Variants in SLC30A8 observed in about 807,000 individuals in gnomAD.
SLC30A8 encodes proton-coupled zinc antiporter SLC30A8.
A neutral mutation model predicts 36.9 loss-of-function variants in SLC30A8; 27 were observed. The ratio of observed to expected loss-of-function variants is 0.73; its 90% CI spans 0.54 to 1.01. The LOEUF (loss-of-function observed/expected upper bound fraction) is 1.01. Ranked by LOEUF, SLC30A8 falls within the 50% of genes least tolerant of loss-of-function variation. SLC30A8 has a pLI of 0.00. For missense variants in SLC30A8, 439 were observed against 452.0 expected (o/e 0.97, Z 0.26); for synonymous variants, 164 against 172.4 (o/e 0.95, Z 0.38).
chr8:117,123,706 A>T (rs544414747), intron 2 of SLC30A8, among the ~76,000 whole-genome samples: 11 of 152,180 alleles, frequency 7.2e-5, no homozygotes, highest in African/African-American at 2.4e-4. Flanking sequence ...TAGTAAATTG[A>T]CAGAGTTGTA....
At chr8:117,099,389 A>G (rs898425296) in intron 2 of SLC30A8, among the ~76,000 whole-genome samples, 4 of 152,202 alleles carry the variant, frequency 2.6e-5, no homozygotes, top group African/African-American at 4.8e-5. Context: ...GCAACTTGAC[A>G]AATATCACAC....
chr8:116,985,842 G>C (rs1248664162), intron 1 of SLC30A8, among the ~76,000 whole-genome samples: 1 of 151,850 alleles, frequency 6.6e-6, no homozygotes, highest in Non-Finnish European at 1.5e-5. Flanking sequence ...AAGACATGGG[G>C]TGTGCATGCA....
intron 1 of SLC30A8, among the ~76,000 whole-genome samples, chr8:117,012,962 C>T (rs375632317): frequency 6.6e-6 from 1 of 152,042 alleles, no homozygotes; most frequent in Admixed American, 6.6e-5. Context: ...ATTGGCATGA[C>T]TGCCTCATTC....
chr8:117,063,605 C>T (rs1460945444), intron 2 of SLC30A8, among the ~76,000 whole-genome samples: 1 of 152,150 alleles, frequency 6.6e-6, no homozygotes, highest in Non-Finnish European at 1.5e-5. Flanking sequence ...AGTCCACTTC[C>T]TCCTATGTCC....
chr8:116,956,769 A>G (rs553193908), intron 1 of SLC30A8, among the ~76,000 whole-genome samples: 11 of 152,318 alleles, frequency 7.2e-5, no homozygotes, highest in African/African-American at 2.6e-4. Context: ...AGTAATCCTG[A>G]AATGTTTCAA....
intron 3 of SLC30A8, 83 bp downstream of exon 3, chr8:117,153,173 GC>G: frequency 2.2e-6 from 3 of 1,394,274 alleles, no homozygotes; most frequent in Non-Finnish European, 2.9e-6. Flanking sequence ...ACGAAGCAAA[GC>G]CTTGTTGGAA....
chr8:117,088,182 A>G (rs1220120964), intron 2 of SLC30A8, among the ~76,000 whole-genome samples: 1 of 152,178 alleles, frequency 6.6e-6, no homozygotes, highest in Non-Finnish European at 1.5e-5. Context: ...GAAAAATTGC[A>G]TGGGTAGCTG....
chr8:117,046,395 A>G (rs555341097), intron 2 of SLC30A8, among the ~76,000 whole-genome samples: 26 of 152,254 alleles, frequency 1.7e-4, no homozygotes, highest in African/African-American at 6.3e-4. Context: ...AATTCCAAAC[A>G]TGTTATTTGG....
intron 2 of SLC30A8, among the ~76,000 whole-genome samples, chr8:117,065,654 T>G (rs1315831529): frequency 6.6e-6 from 1 of 152,164 alleles, no homozygotes; most frequent in Non-Finnish European, 1.5e-5. Flanking sequence ...GCAGCCATTT[T>G]GTTTTTTGTG....
intron 2 of SLC30A8, among the ~76,000 whole-genome samples, chr8:117,040,191 A>G (rs1342708695): frequency 1.3e-5 from 2 of 152,224 alleles, no homozygotes; most frequent in African/African-American, 4.8e-5. Context: ...GAGCTCTTAG[A>G]TATCTTCTCA....
chr8:117,157,938 A>C, intron 4 of SLC30A8, 94 bp downstream of exon 4: 1 of 1,376,074 alleles, frequency 7.3e-7, no homozygotes, highest in Non-Finnish European at 1.0e-6. Context: ...GTACATGTGA[A>C]GATGGTAGAG....
At chr8:116,979,330 A>G (rs1405641003) in intron 1 of SLC30A8, among the ~76,000 whole-genome samples, 1 of 151,898 alleles carries the variant, frequency 6.6e-6, no homozygotes, top group Non-Finnish European at 1.5e-5. Flanking sequence ...CTGGGTTACA[A>G]TTTACTCCAA....
intron 2 of SLC30A8, among the ~76,000 whole-genome samples, chr8:117,150,503 T>C (rs1822128857): frequency 1.3e-5 from 2 of 152,246 alleles, no homozygotes; most frequent in Non-Finnish European, 2.9e-5. Context: ...GTTATAAGTG[T>C]ACTGCTCTGC....
chr8:117,153,034 T>C lies in SLC30A8; in HGVS notation c.362T>C (p.Leu121Pro). 1 of 1,613,444 alleles carries C rather than the reference T, an allele frequency of 6.2e-7. No homozygotes were observed. The highest frequency in any genetic ancestry group is 8.5e-7 in the Non-Finnish European group (1 of 1,179,546). Residue 121 changes from leucine (L) to proline (P), a missense_variant, in exon 3 of 8, where the codon CTG becomes CCG. By Grantham distance (98) the Leu-to-Pro change is moderately conservative. Coordinates refer to ENST00000456015, the MANE Select transcript of SLC30A8 (RefSeq NM_173851.3). Reference protein sequence around the residue: ...LTSFLLSLFSLWLSSKPPSKR... With the variant: ...LTSFLLSLFSPWLSSKPPSKR... ...AGTTTCCTGCTCAGTCTCTTCTCCCTGTGGTTGTCATCGAAGCCTCCCTCT... is the reference window on the plus strand; with the variant it reads ...AGTTTCCTGCTCAGTCTCTTCTCCCCGTGGTTGTCATCGAAGCCTCCCTCT...
chr8:116,995,050 C>G (rs1209305738), intron 1 of SLC30A8, among the ~76,000 whole-genome samples: 1 of 152,040 alleles, frequency 6.6e-6, no homozygotes, highest in East Asian at 1.9e-4. Context: ...CATGCTAATG[C>G]CTCTTCGATT....
chr8:117,046,036 T>C (rs1817540360), intron 2 of SLC30A8, among the ~76,000 whole-genome samples: 1 of 151,784 alleles, frequency 6.6e-6, no homozygotes, highest in African/African-American at 2.4e-5. Flanking sequence ...TGACAGATGA[T>C]GGTATATGAG....
chr8:117,001,204 C>CTTTTTTT (rs34639384), intron 1 of SLC30A8, among the ~76,000 whole-genome samples: 2 of 78,310 alleles, frequency 2.6e-5, no homozygotes, highest in African/African-American at 4.8e-5. Context: ...TTGCTAGGGG[C>CTTTTTTT]TTTTTTTTTT....
At chr8:117,143,401 A>G (rs769285225) in intron 1 of SLC30A8, among the ~76,000 whole-genome samples, 5 of 152,114 alleles carry the variant, frequency 3.3e-5, no homozygotes, top group Non-Finnish European at 7.4e-5. Flanking sequence ...GGAATCTTCC[A>G]GGATTTATTC....
intron 2 of SLC30A8, among the ~76,000 whole-genome samples, chr8:117,098,307 C>T (rs1281153918): frequency 5.9e-5 from 9 of 151,846 alleles, no homozygotes; most frequent in Non-Finnish European, 1.2e-4. Context: ...AGGCCAAAGA[C>T]ATGCATTCTG....
Sources: allele counts gnomAD v4.1 joint callset (sites outside exome capture counted in the v4.1 genomes callset), GRCh38; gene constraint gnomAD v4.1.1; transcripts MANE v1.5; gene names NCBI Gene and HGNC (gene_info 2026-07-23, HGNC 2026-07-21).